MACROD2: variants seen among roughly 807,000 people sequenced by gnomAD.
The protein encoded by MACROD2 is mono-ADP ribosylhydrolase 2.
Under a neutral mutation model 70.4 loss-of-function variants are expected in MACROD2, and 36 were observed. The observed-to-expected ratio is 0.51, with a 90% confidence interval of 0.39 to 0.68. The LOEUF (loss-of-function observed/expected upper bound fraction) is 0.68. MACROD2 is among the 30% of genes least tolerant of loss of function. MACROD2 has a pLI of 0.00. For synonymous variants in MACROD2, 172 were observed against 178.8 expected (o/e 0.96, Z 0.30); for missense variants, 496 against 538.4 (o/e 0.92, Z 0.78).
chr20:15,964,967 G>A (rs919088167), intron 12 of MACROD2, among the ~76,000 whole-genome samples: 2 of 152,120 alleles, frequency 1.3e-5, no homozygotes, highest in African/African-American at 2.4e-5. Context: ...GTGGTGGGTC[G>A]TGCTGATATG....
At chr20:15,125,716 C>T (rs1295812943) in intron 5 of MACROD2, among the ~76,000 whole-genome samples, 1 of 151,982 alleles carries the variant, frequency 6.6e-6, no homozygotes, top group Non-Finnish European at 1.5e-5. Context: ...TATAGTAATA[C>T]TCACCATTTT....
At chr20:15,654,156 G>T (rs2049690463) in intron 8 of MACROD2, among the ~76,000 whole-genome samples, 1 of 152,152 alleles carries the variant, frequency 6.6e-6, no homozygotes, top group African/African-American at 2.4e-5. Context: ...AATCAATAGG[G>T]TTATAAAAGC....
At chr20:15,456,266 C>T (rs1034672914) in intron 7 of MACROD2, among the ~76,000 whole-genome samples, 1 of 152,172 alleles carries the variant, frequency 6.6e-6, no homozygotes, top group African/African-American at 2.4e-5. Flanking sequence ...ACATCCTTTG[C>T]TTCAGTTCCT....
chr20:14,057,385 A>G (rs1004943665), intron 2 of MACROD2, among the ~76,000 whole-genome samples: 4 of 152,226 alleles, frequency 2.6e-5, no homozygotes, highest in Non-Finnish European at 5.9e-5. Flanking sequence ...GATGGCTTAT[A>G]TCCATACTAT....
intron 6 of MACROD2, among the ~76,000 whole-genome samples, chr20:15,230,883 G>C (rs944697220): frequency 1.3e-5 from 2 of 152,026 alleles, no homozygotes; most frequent in South Asian, 4.1e-4. Flanking sequence ...GGAATCCCTT[G>C]GTTGTTCCCC....
intron 13 of MACROD2, 102 bp downstream of exon 13, chr20:15,967,732 T>C (rs2066165720): frequency 5.8e-6 from 6 of 1,027,542 alleles, no homozygotes; most frequent in Middle Eastern, 4.7e-4. Flanking sequence ...TGGAAAAATA[T>C]TGAATTCCAA....
At chr20:14,497,924 C>T (rs2084872366) in intron 4 of MACROD2, among the ~76,000 whole-genome samples, 1 of 151,674 alleles carries the variant, frequency 6.6e-6, no homozygotes, top group Non-Finnish European at 1.5e-5. Flanking sequence ...GCCATTTGTC[C>T]AACGCGAGAA....
chr20:15,675,165 T>C (rs2050039490), intron 8 of MACROD2, among the ~76,000 whole-genome samples: 1 of 152,252 alleles, frequency 6.6e-6, no homozygotes, highest in East Asian at 1.9e-4. Context: ...TTATCTTCCT[T>C]GCAAGTCCAT....
At chr20:15,929,226 C>A (rs2065536436) in intron 10 of MACROD2, among the ~76,000 whole-genome samples, 1 of 152,164 alleles carries the variant, frequency 6.6e-6, no homozygotes, top group Non-Finnish European at 1.5e-5. Flanking sequence ...ATCTCTCATC[C>A]TCCTTAAGCC....
intron 13 of MACROD2, among the ~76,000 whole-genome samples, chr20:15,974,631 G>A (rs993197067): frequency 2.0e-5 from 3 of 152,002 alleles, no homozygotes; most frequent in Admixed American, 6.6e-5. Flanking sequence ...CCCATAGAAT[G>A]TACAGTTCCA....
At chr20:14,143,378 A>C (rs1368297851) in intron 3 of MACROD2, among the ~76,000 whole-genome samples, 5 of 152,336 alleles carry the variant, frequency 3.3e-5, no homozygotes, top group African/African-American at 1.2e-4. Flanking sequence ...ACCTTGTAGC[A>C]ACATTCAGCT....
chr20:15,963,080 A>T (rs993212424), intron 12 of MACROD2, among the ~76,000 whole-genome samples: 1 of 152,286 alleles, frequency 6.6e-6, no homozygotes. Flanking sequence ...TGCTCCACAT[A>T]ATAAGCCAGA....
At chr20:14,762,834 G>C (rs1178141342) in intron 5 of MACROD2, among the ~76,000 whole-genome samples, 1 of 152,040 alleles carries the variant, frequency 6.6e-6, no homozygotes, top group African/African-American at 2.4e-5. Context: ...GGAGGCTGAG[G>C]CACAAAAACT....
At chr20:14,842,778 A>C (rs117004187) in intron 5 of MACROD2, among the ~76,000 whole-genome samples, 3 of 152,136 alleles carry the variant, frequency 2.0e-5, no homozygotes, top group Non-Finnish European at 2.9e-5. Context: ...GGAAATCAGT[A>C]GCACTTGAAA....
chr20:14,703,499 A>C (rs1177290420), intron 5 of MACROD2, among the ~76,000 whole-genome samples: 1 of 152,182 alleles, frequency 6.6e-6, no homozygotes, highest in Non-Finnish European at 1.5e-5. Flanking sequence ...GCTGAGAGCC[A>C]AGAGACTTGG....
intron 3 of MACROD2, among the ~76,000 whole-genome samples, chr20:14,111,851 T>A (rs781360901): frequency 3.3e-5 from 5 of 151,974 alleles, no homozygotes; most frequent in Non-Finnish European, 7.4e-5. Context: ...ATCCCACTGT[T>A]GGGTATATAA....
intron 3 of MACROD2, among the ~76,000 whole-genome samples, chr20:14,389,220 G>C (rs1325103606): frequency 2.0e-5 from 3 of 151,524 alleles, no homozygotes; most frequent in South Asian, 2.1e-4. Context: ...TAAAGAGATA[G>C]AGACCAGCGT....
At chr20:14,924,577 T>G (rs1462160345) in intron 5 of MACROD2, among the ~76,000 whole-genome samples, 1 of 152,148 alleles carries the variant, frequency 6.6e-6, no homozygotes, top group Non-Finnish European at 1.5e-5. Context: ...TGAGAGCATT[T>G]ATTTATCTAA....
chr20:15,161,238 T>C (rs2076346087), intron 5 of MACROD2, among the ~76,000 whole-genome samples: 1 of 151,852 alleles, frequency 6.6e-6, no homozygotes, highest in Non-Finnish European at 1.5e-5. Flanking sequence ...CATAATATGC[T>C]CAATAAAAAA....
Sources: allele counts gnomAD v4.1 joint callset (sites outside exome capture counted in the v4.1 genomes callset), GRCh38; gene constraint gnomAD v4.1.1; transcripts MANE v1.5; gene names NCBI Gene and HGNC (gene_info 2026-07-23, HGNC 2026-07-21).